The following HDAC4 variants were observed in gnomAD, a reference collection of about 807,000 sequenced individuals.
HDAC4 encodes histone deacetylase A.
In HDAC4, 16 loss-of-function variants were observed where a neutral mutation model predicts 135.1. That is an observed-to-expected ratio of 0.12 (90% confidence interval 0.08 to 0.18). The LOEUF (loss-of-function observed/expected upper bound fraction) is 0.18. Among genes scored for constraint, HDAC4 ranks in the 10% least tolerant of loss-of-function variants. The pLI, the probability that HDAC4 is intolerant of heterozygous loss-of-function variation, is 1.00. For synonymous variants in HDAC4, 685 were observed against 653.4 expected (o/e 1.05, Z -0.74); for missense variants, 1,143 against 1,511.8 (o/e 0.76, Z 4.05).
At chr2:239,108,818 C>T (rs1465258869) in intron 14 of HDAC4, among the ~76,000 whole-genome samples, 5 of 152,222 alleles carry the variant, frequency 3.3e-5, no homozygotes, top group Non-Finnish European at 7.3e-5. Flanking sequence ...CAGCCATGTG[C>T]TCACCACAGC....
In HDAC4 at chr2:239,176,420, G is replaced by A. The variant is rs372068606; in HGVS notation, c.483C>T (p.Gly161=). Residue 161 remains glycine, a synonymous_variant, in exon 5 of 27, where the codon GGC becomes GGT. Coordinates refer to ENST00000543185, the MANE Select transcript of HDAC4 (RefSeq NM_001378414.1). ...KLQQLKNKEK[G]KESAVASTEV... ...TTCCGTGCCCACACTCACTCTCTTT[G>A]CCCTTCTCCTTGTTCTTGAGCTGCT... The A allele has an allele frequency of 6.2e-7, 1 of 1,612,254 alleles. No homozygotes were observed. Among genetic ancestry groups the A allele is most frequent in the Non-Finnish European group, 8.5e-7 (1 of 1,179,784 alleles).
At position 239,400,211 on chromosome 2, in the gene HDAC4, G is replaced by A. The variant is rs1414340629; in HGVS notation, c.-220+767C>T. ...CCCGGGCAGCCCCCCGCCCTCCCGC[G>A]ACCCCCCGGGCGCTCGCAGCGGCGA... On this transcript the variant is annotated intron_variant, in intron 1 of 26. Transcript: ENST00000543185. The surrounding 1 kb of genome is among the most constrained non-coding windows in gnomAD (Gnocchi z 4.7). Among the ~76,000 whole-genome samples, 1 of 151,150 alleles carries A rather than the reference G, an allele frequency of 6.6e-6. No homozygotes were observed. The highest frequency in any genetic ancestry group is 2.4e-5 in the African/African-American group (1 of 41,158).
chr2:239,190,413 A>G (rs1438252544), intron 3 of HDAC4, among the ~76,000 whole-genome samples: 1 of 152,192 alleles, frequency 6.6e-6, no homozygotes, highest in Non-Finnish European at 1.5e-5. Context: ...GGCCTTGCTG[A>G]CGTCATTTCT....
chr2:239,195,378 C>T (rs929371046), intron 3 of HDAC4, among the ~76,000 whole-genome samples: 13 of 152,176 alleles, frequency 8.5e-5, no homozygotes, highest in African/African-American at 2.9e-4. Context: ...ACAAATGGAG[C>T]GTTCACAGGG....
chr2:239,332,954 G>A (rs1251290980), intron 2 of HDAC4, among the ~76,000 whole-genome samples: 1 of 152,136 alleles, frequency 6.6e-6, no homozygotes, highest in Non-Finnish European at 1.5e-5. Flanking sequence ...TACATTTGAA[G>A]ATGCAGATGG....
At chr2:239,100,650 AG>A (rs2037527630) in intron 16 of HDAC4, among the ~76,000 whole-genome samples, 1 of 152,124 alleles carries the variant, frequency 6.6e-6, no homozygotes, top group African/African-American at 2.4e-5. Flanking sequence ...CTGGGCCCAC[AG>A]GGGGTGATTA....
At chr2:239,185,915 T>C (rs1575336654) in intron 4 of HDAC4, among the ~76,000 whole-genome samples, 1 of 151,934 alleles carries the variant, frequency 6.6e-6, no homozygotes, top group Admixed American at 6.6e-5. Context: ...ATGCTGGTAA[T>C]CCCAGCCACT....
chr2:239,171,083 C>A (rs2043421774), intron 5 of HDAC4, among the ~76,000 whole-genome samples: 1 of 151,510 alleles, frequency 6.6e-6, no homozygotes, highest in African/African-American at 2.4e-5. Flanking sequence ...GAATGTGTCA[C>A]CATCCCAGGT....
At chr2:239,229,334 G>C (rs568981853) in intron 3 of HDAC4, among the ~76,000 whole-genome samples, 2 of 152,126 alleles carry the variant, frequency 1.3e-5, no homozygotes, top group Non-Finnish European at 2.9e-5. Context: ...AGACTCCTGC[G>C]TCTGGCCTTT....
intron 2 of HDAC4, among the ~76,000 whole-genome samples, chr2:239,280,906 TACAATGTACACACCACTCTCCAC>T (rs2050680854): frequency 1.3e-5 from 2 of 148,208 alleles, no homozygotes; most frequent in Admixed American, 6.7e-5. Context: ...CACACCACTC[TACAATGTACACACCACTCTCCAC>T]ACAATGTACA....
intron 16 of HDAC4, among the ~76,000 whole-genome samples, chr2:239,096,210 C>T (rs1354484050): frequency 6.6e-6 from 1 of 152,098 alleles, no homozygotes; most frequent in East Asian, 1.9e-4. Flanking sequence ...AACCCTTCCT[C>T]AGGGAACAGC....
At chr2:239,157,488 G>A (rs1291771003) in intron 6 of HDAC4, among the ~76,000 whole-genome samples, 1 of 152,240 alleles carries the variant, frequency 6.6e-6, no homozygotes, top group Non-Finnish European at 1.5e-5. Flanking sequence ...TCTGCCAGGA[G>A]AATGGCCGGA....
chr2:239,292,583 T>C (rs1361816262), intron 2 of HDAC4, among the ~76,000 whole-genome samples: 3 of 152,188 alleles, frequency 2.0e-5, no homozygotes, highest in African/African-American at 7.2e-5. Context: ...ATGCATCTCT[T>C]TACTTCCAGA....
rs1473674478 is a variant in HDAC4, at chr2:239,048,517, A to G, written c.*4580T>C. On this transcript the variant is annotated 3_prime_UTR_variant, in exon 27 of 27. Coordinates refer to ENST00000543185, the MANE Select transcript of HDAC4 (RefSeq NM_001378414.1). ...TCGTTACAACTTGGTTTTCTACCAC[A>G]TTCCGTAAGAAGCTCTTGGGTGAGT... 6.6e-6 allele frequency: 1 copy of G among 152,078 alleles called. No individual in the cohort carries two copies. The highest frequency in any genetic ancestry group is 1.5e-5 in the Non-Finnish European group (1 of 68,048). The allele number at this position is 152,078 out of a possible 1,614,324, so 9.4% of individuals were successfully genotyped here. A position where few individuals can be genotyped will look rare whatever the true frequency, so the allele number is the denominator to read the frequency against.
chr2:239,343,544 C>T (rs1438490334), intron 2 of HDAC4, among the ~76,000 whole-genome samples: 5 of 152,270 alleles, frequency 3.3e-5, no homozygotes, highest in Non-Finnish European at 7.3e-5. Flanking sequence ...GCCCACCAAC[C>T]CTCCTCACAA....
At chr2:239,150,641 C>T (rs2042061954) in intron 7 of HDAC4, among the ~76,000 whole-genome samples, 1 of 143,902 alleles carries the variant, frequency 6.9e-6, no homozygotes, top group Non-Finnish European at 1.5e-5. Context: ...CACACCTTCA[C>T]ATACAGCAGC....
chr2:239,201,646 C>T (rs1485771567), intron 3 of HDAC4, among the ~76,000 whole-genome samples: 7 of 152,162 alleles, frequency 4.6e-5, no homozygotes, highest in Non-Finnish European at 1.0e-4. Flanking sequence ...CCCAGAGGCA[C>T]AGCCAGGCCC....
chr2:239,053,535 G>T lies in HDAC4; in HGVS notation c.3155C>A (p.Thr1052Asn). Reference protein sequence around the residue: ...TAGRSLIEAQTCENEEAETVT... With the variant: ...TAGRSLIEAQNCENEEAETVT... The stretch of plus-strand genomic sequence containing the variant: ...CGTCTCGGCTTCTTCGTTCTCGCAA[G>T]TCTGAGCCTCGATCAGAGAACGCCC... Residue 1052 changes from threonine (T) to asparagine (N), a missense_variant, in exon 26 of 27, where the codon ACT becomes AAT. Physicochemically the swap from Thr to Asn is moderately conservative, Grantham distance 65. Coordinates refer to ENST00000543185, the MANE Select transcript of HDAC4 (RefSeq NM_001378414.1). 6.2e-7 allele frequency: 1 copy of T among 1,613,974 alleles called. No individual in the cohort carries two copies. Among genetic ancestry groups the T allele is most frequent in the Non-Finnish European group, 8.5e-7 (1 of 1,180,022 alleles).
At chr2:239,061,430 CGT>C (rs1559353547) in intron 24 of HDAC4, among the ~76,000 whole-genome samples, 4 of 144,368 alleles carry the variant, frequency 2.8e-5, no homozygotes, top group African/African-American at 7.8e-5. Flanking sequence ...GGTGTGTGCA[CGT>C]GTGACTGGTG....
Sources: gnomAD v4.1 joint callset for allele counts (sites outside exome capture counted in the v4.1 genomes callset) on GRCh38, gnomAD v4.1.1 for gene constraint, Gnocchi (gnomAD v3.1) non-coding constraint, MANE v1.5 for transcripts, NCBI Gene and HGNC (gene_info 2026-07-23, HGNC 2026-07-21) for gene names.